Variants in KLF12 observed in about 807,000 individuals in gnomAD.
The protein encoded by KLF12 is KLF transcription factor 12.
A neutral mutation model predicts 37.8 loss-of-function variants in KLF12; 9 were observed. The observed-to-expected ratio is 0.24, with a 90% CI of 0.14 to 0.42. The LOEUF is 0.42. Among genes scored for constraint, KLF12 ranks in the 10% least tolerant of loss-of-function variants. The pLI, the probability that KLF12 is intolerant of heterozygous loss-of-function variation, is 1.00. For missense variants in KLF12, 411 were observed against 516.0 expected (o/e 0.80, Z 1.97); for synonymous variants, 208 against 202.1 (o/e 1.03, Z -0.25).
At chr13:73,712,458 T>C (rs1459086376) in intron 7 of KLF12, among the ~76,000 whole-genome samples, 1 of 151,304 alleles carries the variant, frequency 6.6e-6, no homozygotes, top group Non-Finnish European at 1.5e-5. Context: ...GCAAAAAAAG[T>C]GATTCTTGAA....
intron 3 of KLF12, among the ~76,000 whole-genome samples, chr13:73,933,792 T>C (rs530221280): frequency 1.3e-5 from 2 of 152,304 alleles, no homozygotes; most frequent in South Asian, 2.1e-4. Flanking sequence ...TATACAGTTA[T>C]AAATCCTAAG....
At chr13:74,104,708 A>G (rs1792964355) in intron 1 of KLF12, among the ~76,000 whole-genome samples, 1 of 152,226 alleles carries the variant, frequency 6.6e-6, no homozygotes, top group Non-Finnish European at 1.5e-5. Flanking sequence ...ATAGTGCTCC[A>G]AATTAAATCT....
At chr13:74,124,221 T>TA (rs1334555791) in intron 1 of KLF12, among the ~76,000 whole-genome samples, 8 of 152,232 alleles carry the variant, frequency 5.3e-5, no homozygotes, top group Non-Finnish European at 8.8e-5. Flanking sequence ...TTGCTAAAGT[T>TA]ACTTGTATTC....
the KLF12 span, among the ~76,000 whole-genome samples, chr13:74,241,816 A>C: frequency 1.3e-5 from 2 of 152,142 alleles, no homozygotes; most frequent in Non-Finnish European, 2.9e-5. Context: ...CGCACGGTGC[A>C]TGCACCCACT....
At chr13:73,997,230 CTGT>C (rs1892146667) in intron 1 of KLF12, among the ~76,000 whole-genome samples, 1 of 152,116 alleles carries the variant, frequency 6.6e-6, no homozygotes, top group Admixed American at 6.5e-5. Context: ...GAAGACCTGT[CTGT>C]CCCTAGTCTC....
In KLF12 at chr13:73,825,977, A is replaced by AT. The variant is rs199514948; in HGVS notation, c.671-12691dup. On this transcript the variant is annotated intron_variant, in intron 4 of 7. Transcript: ENST00000377669. ...GTCAGGGGCAAATCAATCATTCAAC[A>AT]TTTTTTTTTTTTTGAGATGGAGTCT... 3.4e-3 allele frequency among the ~76,000 whole-genome samples: 485 copies of AT among 144,372 alleles called. 4 individuals are homozygous for AT. The highest frequency in any genetic ancestry group is 0.014 in the East Asian group (71 of 4,982). The allele number at this position is 144,372 out of a possible 152,430, so 94.7% of individuals were successfully genotyped here.
chr13:74,098,167 A>G (rs888332571), intron 1 of KLF12, among the ~76,000 whole-genome samples: 6 of 152,200 alleles, frequency 3.9e-5, no homozygotes, highest in Non-Finnish European at 8.8e-5. Flanking sequence ...AATAAAGTCA[A>G]TTCAGATTTT....
chr13:73,696,332 A>G (rs977482733), intron 7 of KLF12, among the ~76,000 whole-genome samples: 2 of 152,232 alleles, frequency 1.3e-5, no homozygotes, highest in African/African-American at 4.8e-5. Flanking sequence ...AGAAATCATC[A>G]CGTTGGTCCT....
At chr13:73,738,083 GTATGTGTACATATATATATA>G (rs1877609837) in intron 6 of KLF12, among the ~76,000 whole-genome samples, 6 of 124,474 alleles carry the variant, frequency 4.8e-5, no homozygotes, top group African/African-American at 1.6e-4. Flanking sequence ...ACACATATAT[GTATGTGTACATATATATATA>G]TATATATATA....
chr13:74,191,701 C>T, the KLF12 span, among the ~76,000 whole-genome samples: 1 of 152,190 alleles, frequency 6.6e-6, no homozygotes, highest in Admixed American at 6.6e-5. Flanking sequence ...GAGCCTTAGA[C>T]TCACACAAAT....
chr13:73,697,021 C>T (rs561543948), intron 7 of KLF12, among the ~76,000 whole-genome samples: 35 of 152,186 alleles, frequency 2.3e-4, no homozygotes, highest in African/African-American at 7.9e-4. Context: ...TCTGCCTCTA[C>T]TATTTCAGTG....
intron 1 of KLF12, among the ~76,000 whole-genome samples, chr13:74,073,860 T>C (rs778571480): frequency 9.2e-5 from 14 of 152,322 alleles, no homozygotes; most frequent in Non-Finnish European, 1.8e-4. Flanking sequence ...GTTATCATTA[T>C]GCATGGTCGC....
chr13:74,049,633 G>A (rs978528706), intron 1 of KLF12, among the ~76,000 whole-genome samples: 17 of 152,306 alleles, frequency 1.1e-4, no homozygotes, highest in Admixed American at 6.5e-4. Context: ...CAATGATGAT[G>A]TGGTCTTTCA....
intron 1 of KLF12, among the ~76,000 whole-genome samples, chr13:74,029,396 TTAAA>T (rs1367896589): frequency 6.6e-6 from 1 of 152,110 alleles, no homozygotes; most frequent in African/African-American, 2.4e-5. Context: ...ACGTTTCCCA[TTAAA>T]TGTTTCCAAG....
chr13:74,030,823 C>G (rs1893094802), intron 1 of KLF12, among the ~76,000 whole-genome samples: 1 of 151,988 alleles, frequency 6.6e-6, no homozygotes, highest in Non-Finnish European at 1.5e-5. Flanking sequence ...TGATGTACCC[C>G]CTTGACATGA....
chr13:73,852,996 A>G (rs1885413954), intron 3 of KLF12, among the ~76,000 whole-genome samples: 1 of 151,368 alleles, frequency 6.6e-6, no homozygotes, highest in African/African-American at 2.4e-5. Context: ...CAGCCTCCCA[A>G]GTAGCTGGGA....
At chr13:73,761,253 A>C (rs1886235) in intron 6 of KLF12, among the ~76,000 whole-genome samples, 15,830 of 152,164 alleles carry the variant, frequency 0.1, 846 homozygotes, top group South Asian at 0.16. Flanking sequence ...AGTGGCAAAT[A>C]TTCTAAAAAT....
chr13:73,821,849 A>G (rs1192821420), intron 4 of KLF12, among the ~76,000 whole-genome samples: 1 of 152,166 alleles, frequency 6.6e-6, no homozygotes, highest in Non-Finnish European at 1.5e-5. Context: ...ACAGAATAAT[A>G]CCTTCATGAC....
the KLF12 span, among the ~76,000 whole-genome samples, chr13:74,237,082 G>A: frequency 8.8e-6 from 1 of 113,654 alleles, no homozygotes; most frequent in Non-Finnish European, 1.7e-5. Flanking sequence ...TAGGTCTAAC[G>A]TTTAAGTCTT....
Sources: gnomAD v4.1 joint callset for allele counts (sites outside exome capture counted in the v4.1 genomes callset) on GRCh38, gnomAD v4.1.1 for gene constraint, MANE v1.5 for transcripts, NCBI Gene and HGNC (gene_info 2026-07-23, HGNC 2026-07-21) for gene names.